The following DCT variants were observed in gnomAD, a reference collection of about 807,000 sequenced individuals.
DCT encodes the protein L-dopachrome tautomerase.
A neutral mutation model predicts 53.0 loss-of-function variants in DCT; 47 were observed. The observed-to-expected ratio is 0.89, with a 90% CI of 0.70 to 1.13. DCT has a LOEUF of 1.13. Among genes scored for constraint, DCT ranks in the 50% most tolerant of loss-of-function variants. The probability of loss-of-function intolerance (pLI) is 0.00; values close to 1 mark genes in which losing one functional copy is unlikely to be tolerated. For missense variants in DCT, 669 were observed against 637.4 expected (o/e 1.05, Z -0.53); for synonymous variants, 244 against 237.0 (o/e 1.03, Z -0.27).
rs745558762 is a variant in DCT, at chr13:94,479,107, T to G, written c.149A>C (p.Asn50Thr). ...CCGGCCTTGCTGAGAGCCACAGACA[T>G]TGGCCGACTCTGCACCCAGGCGTGG... is the stretch of plus-strand genomic sequence containing the variant. ...CCPRLGAESANVCGSQQGRGQ... is the reference protein window; with the variant it reads ...CCPRLGAESATVCGSQQGRGQ... The change falls in exon 1 of 8, where the codon AAT (asparagine) becomes ACT (threonine). Residue 50 changes from asparagine (N) to threonine (T), a missense_variant. Physicochemically the swap from Asn to Thr is moderately conservative, Grantham distance 65 (BLOSUM62 0). Coordinates refer to ENST00000377028, the MANE Select transcript of DCT (RefSeq NM_001922.5). The G allele has an allele frequency of 1.9e-6, 3 of 1,614,052 alleles. No individual in the cohort carries two copies. In the African/African-American group the frequency reaches 4.0e-5, roughly 22 times the overall value.
the DCT span, among the ~76,000 whole-genome samples, chr13:94,521,364 A>C: frequency 6.6e-6 from 1 of 152,168 alleles, no homozygotes; most frequent in African/African-American, 2.4e-5. Context: ...AGAAAGATAC[A>C]TTTTCATGTT....
intron 4 of DCT, among the ~76,000 whole-genome samples, chr13:94,464,283 G>C (rs1054980681): frequency 6.6e-6 from 1 of 152,230 alleles, no homozygotes; most frequent in Non-Finnish European, 1.5e-5. Flanking sequence ...GGGAGCCACA[G>C]CTCTGTGCCC....
the DCT span, among the ~76,000 whole-genome samples, chr13:94,540,759 A>C: frequency 1.3e-5 from 2 of 152,234 alleles, no homozygotes; most frequent in Non-Finnish European, 2.9e-5. Context: ...AAAACAAAAA[A>C]AATAGAATAT....
the DCT span, among the ~76,000 whole-genome samples, chr13:94,526,079 C>A: frequency 6.6e-6 from 1 of 152,234 alleles, no homozygotes; most frequent in Non-Finnish European, 1.5e-5. Flanking sequence ...GCTTTTAACT[C>A]ATGGGGCATG....
At chr13:94,509,880 C>T in the DCT span, among the ~76,000 whole-genome samples, 3 of 152,066 alleles carry the variant, frequency 2.0e-5, no homozygotes, top group Non-Finnish European at 4.4e-5. Flanking sequence ...AATCATGTGC[C>T]CAGCACTCAA....
At chr13:94,527,054 C>A in the DCT span, among the ~76,000 whole-genome samples, 1 of 152,170 alleles carries the variant, frequency 6.6e-6, no homozygotes, top group Non-Finnish European at 1.5e-5. Context: ...CGCAACACTG[C>A]AGCTTGACTG....
chr13:94,483,332 A>G (rs558888547), upstream of DCT, among the ~76,000 whole-genome samples: 3 of 152,188 alleles, frequency 2.0e-5, no homozygotes, highest in Non-Finnish European at 2.9e-5. Context: ...GTAAATTTAA[A>G]CATAAATGTT....
Position 94,439,273 on chromosome 13 carries a change from C to T in DCT, c.*625G>A, listed in dbSNP as rs1203601503. The T allele has an allele frequency of 6.6e-6, 1 of 152,276 alleles. No individual in the cohort carries two copies. Among genetic ancestry groups the T allele is most frequent in the African/African-American group, 2.4e-5 (1 of 41,446 alleles). 9.4% of individuals were successfully genotyped at this position (152,276 alleles called of 1,614,324 possible). A position where few individuals can be genotyped will look rare whatever the true frequency, so the allele number is the denominator to read the frequency against. On this transcript the variant is annotated 3_prime_UTR_variant, in exon 8 of 8. Coordinates refer to ENST00000377028, the MANE Select transcript of DCT (RefSeq NM_001922.5). ...GAGTGGAATTGATCCTTCATTTAGT[C>T]ATTTTCCATCCTGTAAAGAAAACAA...
intron 7 of DCT, 73 bp downstream of exon 7, chr13:94,443,363 A>G: frequency 8.0e-7 from 1 of 1,242,384 alleles, no homozygotes; most frequent in Non-Finnish European, 1.2e-6. Flanking sequence ...TTTACATTAT[A>G]AAGAAAGAAA....
At chr13:94,448,677 A>G (rs1476817598) in intron 6 of DCT, among the ~76,000 whole-genome samples, 2 of 152,088 alleles carry the variant, frequency 1.3e-5, no homozygotes, top group Admixed American at 1.3e-4. Flanking sequence ...CTGAGGTGGG[A>G]GGATCACCCG....
chr13:94,523,700 T>A, the DCT span, among the ~76,000 whole-genome samples: 3 of 152,124 alleles, frequency 2.0e-5, no homozygotes, highest in Non-Finnish European at 4.4e-5. Context: ...GCAGCACCAT[T>A]CTGATCAGAG....
chr13:94,534,175 TTAAA>T, the DCT span, among the ~76,000 whole-genome samples: 343 of 151,662 alleles, frequency 2.3e-3, 2 homozygotes, highest in Non-Finnish European at 3.9e-3. Flanking sequence ...ATATAATAAA[TTAAA>T]TAACCTATTA....
the DCT span, among the ~76,000 whole-genome samples, chr13:94,514,089 T>C: frequency 6.6e-6 from 1 of 150,708 alleles, no homozygotes; most frequent in Non-Finnish European, 1.5e-5. Context: ...ACCCTGAGAC[T>C]AGGATCATGG....
chr13:94,490,504 C>CAAAAAAAAAAAAAAAAAAAAAAATAA, the DCT span, among the ~76,000 whole-genome samples: 1 of 35,474 alleles, frequency 2.8e-5, no homozygotes, highest in Non-Finnish European at 4.9e-5. Context: ...GACTCGGTCT[C>CAAAAAAAAAAAAAAAAAAAAAAATAA]AAAAAAAAAA....
chr13:94,506,403 A>T, the DCT span, among the ~76,000 whole-genome samples: 2 of 152,232 alleles, frequency 1.3e-5, no homozygotes, highest in Non-Finnish European at 2.9e-5. Flanking sequence ...GCAAGTCAAA[A>T]GGATACAGAA....
the DCT span, among the ~76,000 whole-genome samples, chr13:94,516,532 C>A: frequency 6.6e-6 from 1 of 152,078 alleles, no homozygotes; most frequent in African/African-American, 2.4e-5. Context: ...TTTGTCCCAT[C>A]CAAAACTCAC....
chr13:94,448,072 A>G (rs1882845970), intron 6 of DCT, among the ~76,000 whole-genome samples: 1 of 152,054 alleles, frequency 6.6e-6, no homozygotes, highest in African/African-American at 2.4e-5. Context: ...ACAGAGTGAG[A>G]CCCCATTTCT....
chr13:94,501,610 C>T, the DCT span, among the ~76,000 whole-genome samples: 1 of 151,440 alleles, frequency 6.6e-6, no homozygotes, highest in African/African-American at 2.4e-5. Flanking sequence ...AGTCACGGTA[C>T]TTATGCAGAG....
intron 5 of DCT, among the ~76,000 whole-genome samples, chr13:94,460,878 T>C (rs1248286452): frequency 6.6e-6 from 1 of 152,242 alleles, no homozygotes; most frequent in Non-Finnish European, 1.5e-5. Context: ...GGATGGTAGA[T>C]AGATTAAAGA....
Sources: allele counts gnomAD v4.1 joint callset (sites outside exome capture counted in the v4.1 genomes callset), GRCh38; gene constraint gnomAD v4.1.1; transcripts MANE v1.5; gene names NCBI Gene and HGNC (gene_info 2026-07-23, HGNC 2026-07-21).